MEIS2: variants seen among roughly 807,000 people sequenced by gnomAD.
MEIS2 encodes homeobox protein Meis2.
Under a neutral mutation model 58.6 loss-of-function variants are expected in MEIS2, and 9 were observed. The observed-to-expected ratio is 0.15, with a 90% CI of 0.09 to 0.27. MEIS2 has a LOEUF of 0.27. Ranked by LOEUF, MEIS2 falls within the 10% of genes least tolerant of loss-of-function variation. The pLI is 1.00. For synonymous variants in MEIS2, 221 were observed against 228.4 expected, an observed-to-expected ratio of 0.97 and a Z score of 0.29; for missense variants, 427 against 635.0, an observed-to-expected ratio of 0.67 and a Z score of 3.52.
intron 7 of MEIS2, among the ~76,000 whole-genome samples, chr15:37,061,569 G>C (rs1231181962): frequency 6.6e-6 from 1 of 152,200 alleles, no homozygotes; most frequent in African/African-American, 2.4e-5. Flanking sequence ...AATATCTTCA[G>C]AAGCAGCTGG....
chr15:37,025,679 T>C (rs1452639790), intron 8 of MEIS2, among the ~76,000 whole-genome samples: 2 of 149,036 alleles, frequency 1.3e-5, no homozygotes, highest in Admixed American at 6.7e-5. Context: ...GTATTTGGAA[T>C]AGCCATGGAC....
At chr15:36,967,439 CT>C (rs2059392826) in intron 8 of MEIS2, among the ~76,000 whole-genome samples, 1 of 152,118 alleles carries the variant, frequency 6.6e-6, no homozygotes, top group Non-Finnish European at 1.5e-5. Flanking sequence ...AGGTATTTTC[CT>C]TATACTAAGC....
chr15:36,976,231 G>C (rs945576611), intron 8 of MEIS2, among the ~76,000 whole-genome samples: 10 of 151,486 alleles, frequency 6.6e-5, no homozygotes, highest in South Asian at 4.2e-4. Context: ...ATTACAGGCG[G>C]CCACCACCAT....
intron 7 of MEIS2, among the ~76,000 whole-genome samples, chr15:37,057,882 C>T (rs920890641): frequency 3.9e-5 from 6 of 152,152 alleles, no homozygotes; most frequent in Middle Eastern, 6.8e-3. Flanking sequence ...AGTTAGAGAA[C>T]GCCTATTAAC....
intron 8 of MEIS2, among the ~76,000 whole-genome samples, chr15:36,993,067 T>A (rs376651605): frequency 2.0e-5 from 3 of 152,114 alleles, no homozygotes; most frequent in East Asian, 1.9e-4. Context: ...TACACAGTCA[T>A]TTTATCTTCA....
chr15:36,943,234 G>A (rs145548191), intron 9 of MEIS2, among the ~76,000 whole-genome samples: 42 of 152,090 alleles, frequency 2.8e-4, no homozygotes, highest in African/African-American at 9.6e-4. Context: ...ATAGACTTTT[G>A]TTTCTGTGTT....
At chr15:37,048,282 T>C (rs2062763704) in intron 7 of MEIS2, among the ~76,000 whole-genome samples, 1 of 152,164 alleles carries the variant, frequency 6.6e-6, no homozygotes, top group African/African-American at 2.4e-5. Context: ...TTTTCTAACT[T>C]ATTGTCTCTT....
chr15:37,075,959 G>C (rs12900478), intron 7 of MEIS2, among the ~76,000 whole-genome samples: 30,235 of 151,758 alleles, frequency 0.2, 3,197 homozygotes, highest in East Asian at 0.31. Flanking sequence ...TGTATAGCAG[G>C]GATACTAAAG....
intron 2 of MEIS2, among the ~76,000 whole-genome samples, chr15:37,096,941 G>C (rs1894333308): frequency 6.6e-6 from 1 of 152,154 alleles, no homozygotes; most frequent in Admixed American, 6.5e-5. Flanking sequence ...CTTCATAAAT[G>C]CAAGAGAATG....
chr15:37,055,403 T>C (rs888636501), intron 7 of MEIS2, among the ~76,000 whole-genome samples: 2 of 152,146 alleles, frequency 1.3e-5, no homozygotes, highest in Non-Finnish European at 2.9e-5. Context: ...ATATAATTCT[T>C]CCCTGTGTGT....
intron 8 of MEIS2, among the ~76,000 whole-genome samples, chr15:36,997,489 CTTTT>C (rs11286332): frequency 1.5e-5 from 2 of 136,314 alleles, no homozygotes; most frequent in Non-Finnish European, 3.2e-5. Flanking sequence ...CTCTCTCTCT[CTTTT>C]TTTTTTTTTT....
chr15:37,035,780 A>G (rs1053992753), intron 8 of MEIS2, among the ~76,000 whole-genome samples: 20 of 152,202 alleles, frequency 1.3e-4, no homozygotes, highest in South Asian at 1.0e-3. Context: ...TAGCTCTGCA[A>G]GAAGAGCCCA....
At position 37,055,360 on chromosome 15, in the gene MEIS2, G is replaced by A. The variant is rs1281500132; in HGVS notation, c.755-18401C>T. Among the ~76,000 whole-genome samples the A allele has an allele frequency of 6.6e-5, 10 of 152,220 alleles. No individual in the cohort carries two copies. The South Asian group carries it at 1.7e-3, about 25-fold the overall frequency. ...TAGAACAGTGCCTGGCACATCATAG[G>A]CACTGATGAAATACTTGTTAGAAAT... On this transcript the variant is annotated intron_variant, in intron 7 of 11. Coordinates refer to ENST00000561208, the MANE Select transcript of MEIS2 (RefSeq NM_170675.5).
chr15:37,050,237 C>T (rs1370049831), intron 7 of MEIS2, among the ~76,000 whole-genome samples: 1 of 152,118 alleles, frequency 6.6e-6, no homozygotes, highest in African/African-American at 2.4e-5. Flanking sequence ...ACATTTCTAC[C>T]CAATTATTGA....
rs969615202 is a variant in MEIS2, at chr15:36,954,401, T to C, written c.901-4001A>G. Among the ~76,000 whole-genome samples the C allele has an allele frequency of 5.3e-5, 8 of 149,634 alleles. No homozygotes were observed. In the South Asian group the frequency reaches 6.3e-4, roughly 12 times the overall value. On this transcript the variant is annotated intron_variant, in intron 8 of 11. Transcript: ENST00000561208. ...ACTCCTATATTGTCTATGTGTGTAC[T>C]GCTTTAAATAATTTTAAAAATATAA... is the stretch of plus-strand genomic sequence containing the variant.
At chr15:37,080,362 A>C (rs1892035817) in intron 7 of MEIS2, among the ~76,000 whole-genome samples, 1 of 152,130 alleles carries the variant, frequency 6.6e-6, no homozygotes, top group Non-Finnish European at 1.5e-5. Flanking sequence ...TGCTCTAAAC[A>C]CTGAGGGGTC....
intron 8 of MEIS2, among the ~76,000 whole-genome samples, chr15:37,023,779 C>G (rs1480792745): frequency 6.6e-6 from 1 of 152,132 alleles, no homozygotes; most frequent in South Asian, 2.1e-4. Context: ...CGCCACAGTT[C>G]CTAGTCATAA....
chr15:36,955,232 T>G (rs1346849566), intron 8 of MEIS2, among the ~76,000 whole-genome samples: 2 of 152,198 alleles, frequency 1.3e-5, no homozygotes, highest in Non-Finnish European at 2.9e-5. Context: ...AAGAAACAAT[T>G]AAGATATTTT....
chr15:36,935,290 T>C (rs982527837), intron 9 of MEIS2, among the ~76,000 whole-genome samples: 2 of 151,834 alleles, frequency 1.3e-5, no homozygotes, highest in African/African-American at 4.8e-5. Context: ...AACTTCTGCA[T>C]ACAGCAATTT....
Sources: gnomAD v4.1 joint callset for allele counts (sites outside exome capture counted in the v4.1 genomes callset) on GRCh38, gnomAD v4.1.1 for gene constraint, MANE v1.5 for transcripts, NCBI Gene and HGNC (gene_info 2026-07-23, HGNC 2026-07-21) for gene names.